The following PTGER3 variants were observed in gnomAD, a reference collection of about 807,000 sequenced individuals.
PTGER3 encodes the protein prostaglandin E2 receptor EP3 subtype.
In PTGER3, 22 loss-of-function variants were observed where a neutral mutation model predicts 34.7. The ratio of observed to expected loss-of-function variants is 0.63; its 90% CI spans 0.45 to 0.91. The LOEUF is 0.91. Among genes scored for constraint, PTGER3 ranks in the 40% least tolerant of loss-of-function variants. The pLI, the probability that PTGER3 is intolerant of heterozygous loss-of-function variation, is 0.00. For missense variants in PTGER3, 468 were observed against 519.4 expected (o/e 0.90, Z 0.96); for synonymous variants, 241 against 230.1 (o/e 1.05, Z -0.43).
intron 4 of PTGER3, among the ~76,000 whole-genome samples, chr1:70,858,444 A>G (rs1433850252): frequency 2.0e-5 from 3 of 152,114 alleles, no homozygotes; most frequent in African/African-American, 7.2e-5. Flanking sequence ...TAGTTTTCCT[A>G]TTATTAATAA....
chr1:70,955,399 C>A (rs1057086790), intron 2 of PTGER3, among the ~76,000 whole-genome samples: 1 of 152,030 alleles, frequency 6.6e-6, no homozygotes, highest in Non-Finnish European at 1.5e-5. Context: ...CTAGAAATAA[C>A]CTGATTCTTA....
intron 1 of PTGER3, among the ~76,000 whole-genome samples, chr1:71,013,440 C>T (rs923718230): frequency 6.6e-6 from 1 of 152,072 alleles, no homozygotes; most frequent in Non-Finnish European, 1.5e-5. Context: ...TGGTGGCTCA[C>T]GCCTGTAATC....
At chr1:71,009,623 C>G (rs1657269708) in intron 2 of PTGER3, 1 of 984,882 alleles carries the variant, frequency 1.0e-6, no homozygotes, top group Non-Finnish European at 1.2e-6. Flanking sequence ...AAAATTGACA[C>G]TTGCTAATTT....
At chr1:70,866,605 A>G (rs192473479) in intron 4 of PTGER3, among the ~76,000 whole-genome samples, 1 of 152,198 alleles carries the variant, frequency 6.6e-6, no homozygotes, top group Non-Finnish European at 1.5e-5. Context: ...AATGTCTTGA[A>G]GATCTGTGGC....
In PTGER3 at chr1:70,981,397, TTCC is replaced by T. The variant is rs1654344540; in HGVS notation, c.1078-7012_1078-7010del. 1.3e-3 allele frequency among the ~76,000 whole-genome samples: 114 copies of T among 89,454 alleles called. 1 individual carries two copies. The highest frequency in any genetic ancestry group is 0.012 in the East Asian group (26 of 2,202). 58.7% of individuals were successfully genotyped at this position (89,454 alleles called of 152,430 possible). A position where few individuals can be genotyped will look rare whatever the true frequency, so the allele number is the denominator to read the frequency against. ...TTTCTTTCTTTCTTTCTTTCTTTCC[TTCC>T]TTCCTTCCTTCCTTCCTTCTTTCTT... On this transcript the variant is annotated intron_variant, in intron 2 of 3. Coordinates refer to ENST00000306666, the MANE Select transcript of PTGER3 (RefSeq NM_198719.2).
At chr1:71,037,409 A>G (rs181292571) in intron 1 of PTGER3, among the ~76,000 whole-genome samples, 6 of 152,352 alleles carry the variant, frequency 3.9e-5, no homozygotes, top group African/African-American at 1.4e-4. Context: ...CGAGCAACGT[A>G]ACTGCTCAAC....
At chr1:70,922,154 T>G (rs1647592293) in intron 4 of PTGER3, among the ~76,000 whole-genome samples, 1 of 152,174 alleles carries the variant, frequency 6.6e-6, no homozygotes, top group Non-Finnish European at 1.5e-5. Context: ...TCCTTGGAGA[T>G]ATCAGATTCT....
intron 2 of PTGER3, among the ~76,000 whole-genome samples, chr1:71,000,597 C>T (rs1451212721): frequency 6.6e-6 from 1 of 152,016 alleles, no homozygotes; most frequent in Non-Finnish European, 1.5e-5. Context: ...AGACAAAGGA[C>T]TATCAATATA....
intron 4 of PTGER3, among the ~76,000 whole-genome samples, chr1:70,937,931 G>A (rs1456030716): frequency 2.0e-5 from 3 of 152,106 alleles, no homozygotes; most frequent in Admixed American, 6.6e-5. Flanking sequence ...CCCACCAAAT[G>A]GGTAAGAGTT....
At chr1:71,025,589 C>A (rs11578414) in intron 1 of PTGER3, among the ~76,000 whole-genome samples, 15,452 of 151,914 alleles carry the variant, frequency 0.1, 881 homozygotes, top group Middle Eastern at 0.2. Context: ...GAAGTTTTGC[C>A]CAAAAATATA....
At chr1:70,977,173 C>T (rs1184192643) in intron 2 of PTGER3, among the ~76,000 whole-genome samples, 1 of 152,078 alleles carries the variant, frequency 6.6e-6, no homozygotes, top group Non-Finnish European at 1.5e-5. Context: ...AAATTATTTT[C>T]CTATGGCAAT....
intron 2 of PTGER3, among the ~76,000 whole-genome samples, chr1:70,990,404 A>AC: frequency 6.8e-6 from 1 of 146,252 alleles, no homozygotes; most frequent in Non-Finnish European, 1.5e-5. Context: ...TATATATAAA[A>AC]TACATATTAT....
At chr1:70,886,059 C>T (rs1020591871) in intron 4 of PTGER3, among the ~76,000 whole-genome samples, 1 of 152,132 alleles carries the variant, frequency 6.6e-6, no homozygotes, top group Admixed American at 6.5e-5. Flanking sequence ...CCATACCTAC[C>T]CACCAAATTC....
At chr1:71,000,687 AG>A (rs369592562) in intron 2 of PTGER3, among the ~76,000 whole-genome samples, 1 of 152,208 alleles carries the variant, frequency 6.6e-6, no homozygotes, top group African/African-American at 2.4e-5. Context: ...ATTATCAGAT[AG>A]GTTTGGGCAC....
intron 4 of PTGER3, among the ~76,000 whole-genome samples, chr1:70,918,562 C>T (rs534593967): frequency 6.6e-5 from 10 of 152,076 alleles, no homozygotes; most frequent in Admixed American, 1.3e-4. Flanking sequence ...ATGATCATTC[C>T]GGACTTGAGT....
intron 1 of PTGER3, among the ~76,000 whole-genome samples, chr1:71,037,642 T>C (rs1333791559): frequency 1.3e-5 from 2 of 152,224 alleles, no homozygotes; most frequent in African/African-American, 4.8e-5. Flanking sequence ...GACGATTTAA[T>C]CTATTTAGAG....
At chr1:71,020,870 C>T (rs1208996181) in intron 1 of PTGER3, among the ~76,000 whole-genome samples, 3 of 152,200 alleles carry the variant, frequency 2.0e-5, no homozygotes, top group Admixed American at 6.6e-5. Context: ...TGGTTCTTAA[C>T]TTCTTCCTTC....
intron 2 of PTGER3, among the ~76,000 whole-genome samples, chr1:70,956,576 C>G (rs1471040618): frequency 6.6e-6 from 1 of 152,126 alleles, no homozygotes; most frequent in Non-Finnish European, 1.5e-5. Flanking sequence ...AGAAACAACA[C>G]TGAGCAATGT....
chr1:70,879,659 C>T (rs1646346176), intron 4 of PTGER3, among the ~76,000 whole-genome samples: 1 of 152,090 alleles, frequency 6.6e-6, no homozygotes, highest in African/African-American at 2.4e-5. Flanking sequence ...TTTCTCTGTT[C>T]CTTTACTTTG....
Sources: gnomAD v4.1 joint callset for allele counts (sites outside exome capture counted in the v4.1 genomes callset) on GRCh38, gnomAD v4.1.1 for gene constraint, MANE v1.5 for transcripts, NCBI Gene and HGNC (gene_info 2026-07-23, HGNC 2026-07-21) for gene names.